Variants in IQCM observed in about 807,000 individuals in gnomAD.
IQCM encodes IQ motif containing M.
Under a neutral mutation model 57.6 loss-of-function variants are expected in IQCM, and 45 were observed. That is an observed-to-expected ratio of 0.78 (90% CI 0.62 to 1.00). The LOEUF (loss-of-function observed/expected upper bound fraction) is 1.00, where lower values mean the gene tolerates loss of function less well. Ranked by LOEUF, IQCM falls within the 50% of genes least tolerant of loss-of-function variation. The pLI is 0.00. For missense variants in IQCM, 468 were observed against 511.6 expected (o/e 0.91, Z 0.82); for synonymous variants, 148 against 158.9 (o/e 0.93, Z 0.51).
At chr4:149,371,049 G>T (rs1056757566) in intron 13 of IQCM, among the ~76,000 whole-genome samples, 1 of 152,046 alleles carries the variant, frequency 6.6e-6, no homozygotes, top group Non-Finnish European at 1.5e-5. Context: ...CCTTCTTTTA[G>T]ACTTAGAAGT....
chr4:149,575,828 A>G (rs1279789204), intron 9 of IQCM, among the ~76,000 whole-genome samples: 1 of 150,284 alleles, frequency 6.7e-6, no homozygotes, highest in Non-Finnish European at 1.5e-5. Flanking sequence ...GAAGAGAATC[A>G]GGCATGGGTG....
chr4:149,805,196 G>A (rs977709511), intron 2 of IQCM, among the ~76,000 whole-genome samples: 5 of 151,986 alleles, frequency 3.3e-5, no homozygotes, highest in Non-Finnish European at 7.4e-5. Flanking sequence ...AATAGTATGA[G>A]TACTCTTGCT....
At chr4:149,747,711 G>A (rs1768060163) in intron 2 of IQCM, among the ~76,000 whole-genome samples, 1 of 152,140 alleles carries the variant, frequency 6.6e-6, no homozygotes, top group South Asian at 2.1e-4. Context: ...GATACTCTAT[G>A]AATTTATGAT....
chr4:149,553,757 T>C (rs1001188371), intron 10 of IQCM, among the ~76,000 whole-genome samples: 3 of 152,212 alleles, frequency 2.0e-5, no homozygotes, highest in African/African-American at 4.8e-5. Flanking sequence ...TTTTTTGTTG[T>C]TGTTGATTTC....
At chr4:149,651,563 C>T (rs1759182820) in intron 7 of IQCM, among the ~76,000 whole-genome samples, 1 of 151,888 alleles carries the variant, frequency 6.6e-6, no homozygotes, top group Non-Finnish European at 1.5e-5. Flanking sequence ...GAAGAATTCA[C>T]CACATTAAAA....
At chr4:149,504,986 A>T (rs980377777) in intron 12 of IQCM, among the ~76,000 whole-genome samples, 1 of 151,998 alleles carries the variant, frequency 6.6e-6, no homozygotes, top group Non-Finnish European at 1.5e-5. Context: ...TATCAACATC[A>T]AGTCTGCTGG....
At chr4:149,493,845 G>T (rs1212067968) in intron 12 of IQCM, among the ~76,000 whole-genome samples, 1 of 151,002 alleles carries the variant, frequency 6.6e-6, no homozygotes, top group Non-Finnish European at 1.5e-5. Flanking sequence ...GTGGGTGCGA[G>T]TAGTTGGGAG....
chr4:149,705,386 C>G (rs1359490373), intron 5 of IQCM, among the ~76,000 whole-genome samples: 1 of 150,734 alleles, frequency 6.6e-6, no homozygotes, highest in Non-Finnish European at 1.5e-5. Context: ...AACTTTAATA[C>G]CAGTAAAAAG....
intron 2 of IQCM, among the ~76,000 whole-genome samples, chr4:149,796,597 G>T (rs1773137669): frequency 6.6e-6 from 1 of 152,114 alleles, no homozygotes; most frequent in Non-Finnish European, 1.5e-5. Context: ...ATTACATCAG[G>T]CCTTGGGTGA....
At chr4:149,365,729 T>TAA (rs35493858) in intron 13 of IQCM, among the ~76,000 whole-genome samples, 3 of 151,774 alleles carry the variant, frequency 2.0e-5, no homozygotes, top group Non-Finnish European at 4.4e-5. Flanking sequence ...AATCTAAGCT[T>TAA]AAAAAAAATC....
At chr4:149,549,330 A>G (rs1360961508) in intron 11 of IQCM, among the ~76,000 whole-genome samples, 1 of 151,898 alleles carries the variant, frequency 6.6e-6, no homozygotes, top group Non-Finnish European at 1.5e-5. Flanking sequence ...CCCGGCTAAA[A>G]CGGTGAAACC....
At chr4:149,643,685 C>T (rs1404171272) in intron 7 of IQCM, among the ~76,000 whole-genome samples, 2 of 152,102 alleles carry the variant, frequency 1.3e-5, no homozygotes, top group Non-Finnish European at 2.9e-5. Context: ...AGTCAAAACC[C>T]AGAAGTTGCC....
At chr4:149,651,765 C>T (rs978305772) in intron 7 of IQCM, among the ~76,000 whole-genome samples, 1 of 152,090 alleles carries the variant, frequency 6.6e-6, no homozygotes, top group Non-Finnish European at 1.5e-5. Context: ...TGGGGTCAAT[C>T]ACTTAGAATG....
intron 12 of IQCM, among the ~76,000 whole-genome samples, chr4:149,496,519 T>C (rs1742677269): frequency 6.6e-6 from 1 of 151,826 alleles, no homozygotes; most frequent in African/African-American, 2.4e-5. Context: ...AAAGCAGAAA[T>C]CAGAGAGGAA....
chr4:149,476,594 A>G (rs576360208), intron 12 of IQCM, among the ~76,000 whole-genome samples: 6 of 152,262 alleles, frequency 3.9e-5, no homozygotes, highest in African/African-American at 1.2e-4. Flanking sequence ...GTATTAATAC[A>G]TTCTTTGTAA....
intron 5 of IQCM, among the ~76,000 whole-genome samples, chr4:149,687,118 T>C (rs2149790119): frequency 6.6e-6 from 1 of 151,760 alleles, no homozygotes; most frequent in South Asian, 2.1e-4. Context: ...ACCTTCTAGC[T>C]ACTAGCTCAG....
intron 13 of IQCM, among the ~76,000 whole-genome samples, chr4:149,402,157 A>G (rs1423222851): frequency 6.6e-6 from 1 of 151,792 alleles, no homozygotes; most frequent in Non-Finnish European, 1.5e-5. Context: ...TTAAGGCACA[A>G]AACAATATTA....
At chr4:149,532,294 G>A (rs1175345137) in intron 12 of IQCM, among the ~76,000 whole-genome samples, 7 of 151,968 alleles carry the variant, frequency 4.6e-5, no homozygotes, top group African/African-American at 1.5e-4. Flanking sequence ...ATGATGCCAG[G>A]GTCCATTAGG....
chr4:149,553,025 C>T, intron 11 of IQCM, 118 bp downstream of exon 11: 1 of 689,622 alleles, frequency 1.5e-6, no homozygotes, highest in East Asian at 3.4e-5. Flanking sequence ...ATGCAAATTG[C>T]TTACAGCAAT....
Sources: gnomAD v4.1 joint callset for allele counts (sites outside exome capture counted in the v4.1 genomes callset) on GRCh38, gnomAD v4.1.1 for gene constraint, MANE v1.5 for transcripts, NCBI Gene and HGNC (gene_info 2026-07-23, HGNC 2026-07-21) for gene names.